The following CSMD1 variants were observed in gnomAD, a reference collection of about 807,000 sequenced individuals.
The protein encoded by CSMD1 is CUB and sushi domain-containing protein 1.
A neutral mutation model predicts 417.5 loss-of-function variants in CSMD1; 213 were observed. The observed-to-expected ratio is 0.51, with a 90% confidence interval of 0.46 to 0.57. The LOEUF is 0.57. Ranked by LOEUF, CSMD1 falls within the 20% of genes least tolerant of loss-of-function variation. The probability of loss-of-function intolerance (pLI) is 0.00; values close to 1 mark genes in which losing one functional copy is unlikely to be tolerated. For missense variants in CSMD1, 6,923 were observed against 4,529.7 expected (o/e 1.53, Z -15.17); for synonymous variants, 2,862 against 1,736.8 (o/e 1.65, Z -16.11).
At chr8:3,513,907 T>A (rs564692531) in intron 10 of CSMD1, among the ~76,000 whole-genome samples, 1 of 152,282 alleles carries the variant, frequency 6.6e-6, no homozygotes, top group South Asian at 2.1e-4. Flanking sequence ...CACAGAATAA[T>A]TCAGGCCAGA....
chr8:3,997,912 G>A lies in CSMD1; in HGVS notation c.809C>T (p.Pro270Leu), dbSNP rs1815341803. Residue 270 changes from proline to leucine, a missense_variant, in exon 5 of 70, where the codon CCA (proline) becomes CTA (leucine). By Grantham distance (98) the Pro-to-Leu change is moderately conservative. Transcript: ENST00000635120. ...DFLEISGTEA[P>L]SIWLTGMNLP... ...TCTTCCCGGGACTTACCATATGGAT[G>A]GAGCTTCCGTGCCACTGATCTCTAA... 2 of 1,611,850 alleles carry A rather than the reference G, an allele frequency of 1.2e-6. No homozygotes were observed. Among genetic ancestry groups the A allele is most frequent in the Non-Finnish European group, 1.7e-6 (2 of 1,178,944 alleles).
intron 1 of CSMD1, among the ~76,000 whole-genome samples, chr8:4,727,677 T>C (rs532287210): frequency 2.4e-4 from 36 of 152,238 alleles, no homozygotes; most frequent in Non-Finnish European, 4.0e-4. Context: ...ACTAGTCACC[T>C]GGAAATAACT....
At chr8:4,724,693 A>G (rs961993794) in intron 1 of CSMD1, among the ~76,000 whole-genome samples, 1 of 152,128 alleles carries the variant, frequency 6.6e-6, no homozygotes, top group Non-Finnish European at 1.5e-5. Context: ...ATTATTGAAC[A>G]CCATTCTAAA....
intron 8 of CSMD1, among the ~76,000 whole-genome samples, chr8:3,598,867 G>C (rs956216177): frequency 3.3e-5 from 5 of 152,062 alleles, no homozygotes; most frequent in African/African-American, 1.2e-4. Context: ...TGGATCACAA[G>C]GTCAGGAGTT....
At position 4,122,454 on chromosome 8, in the gene CSMD1, G is replaced by A. The variant is rs181188217; in HGVS notation, c.416-90355C>T. Among the ~76,000 whole-genome samples, 66 of 152,286 alleles carry A rather than the reference G, an allele frequency of 4.3e-4. 2 individuals are homozygous for A. Among genetic ancestry groups the A allele is most frequent in the Admixed American group, 2.8e-3 (43 of 15,292 alleles). On this transcript the variant is annotated intron_variant, in intron 3 of 69. Transcript: ENST00000635120. Reference sequence around the variant, plus strand: ...TGACGCAGTTAGCAATAGATCCAGGGTGGAAATGAAGAAACTAAGAGACAC... The same window carrying A: ...TGACGCAGTTAGCAATAGATCCAGGATGGAAATGAAGAAACTAAGAGACAC...
chr8:4,953,598 T>C (rs1345332649), intron 1 of CSMD1, among the ~76,000 whole-genome samples: 2 of 152,106 alleles, frequency 1.3e-5, no homozygotes, highest in Non-Finnish European at 2.9e-5. Context: ...AGTCATAAAA[T>C]TTAGTAAAGA....
intron 3 of CSMD1, among the ~76,000 whole-genome samples, chr8:4,173,017 T>G (rs540956703): frequency 3.9e-5 from 6 of 152,258 alleles, no homozygotes; most frequent in Non-Finnish European, 7.3e-5. Context: ...AATAAATGCT[T>G]GGTATTTTAG....
intron 42 of CSMD1, among the ~76,000 whole-genome samples, chr8:3,115,358 C>T (rs1309634957): frequency 1.3e-5 from 2 of 152,042 alleles, no homozygotes; most frequent in Admixed American, 6.5e-5. Context: ...CCTGCCACCA[C>T]GCCTGGCTAA....
intron 6 of CSMD1, among the ~76,000 whole-genome samples, chr8:3,735,990 G>C (rs548608674): frequency 2.0e-4 from 31 of 152,016 alleles, no homozygotes; most frequent in Non-Finnish European, 3.7e-4. Flanking sequence ...ATGGTTTTCA[G>C]TGGGAATAAG....
intron 26 of CSMD1, among the ~76,000 whole-genome samples, chr8:3,276,821 A>C (rs1034193084): frequency 6.6e-6 from 1 of 152,156 alleles, no homozygotes; most frequent in Admixed American, 6.5e-5. Context: ...ATTTTCACGC[A>C]TATCTAATTA....
At chr8:3,816,461 C>G (rs954444053) in intron 5 of CSMD1, among the ~76,000 whole-genome samples, 2 of 152,108 alleles carry the variant, frequency 1.3e-5, no homozygotes, top group Non-Finnish European at 2.9e-5. Flanking sequence ...CCGTTAGTAG[C>G]TGTTATGAAT....
At chr8:4,895,960 C>A (rs1804453637) in intron 1 of CSMD1, among the ~76,000 whole-genome samples, 1 of 151,954 alleles carries the variant, frequency 6.6e-6, no homozygotes, top group African/African-American at 2.4e-5. Context: ...CATTTTCAGA[C>A]CTAATTTTCA....
rs78223764 is a variant in CSMD1 at position 4,977,085 on chromosome 8, G to A, written c.85+17247C>T. On this transcript the variant is annotated intron_variant, in intron 1 of 69. Transcript: ENST00000635120. ...TTTTAGTATCAACAGTTATATTGGC[G>A]TTTCTCTCAAGATGGAGCACATTTA... 5.2e-3 allele frequency among the ~76,000 whole-genome samples: 787 copies of A among 152,164 alleles called. 18 individuals are homozygous for A. The highest frequency in any genetic ancestry group is 0.041 in the Admixed American group (625 of 15,280).
At chr8:3,554,819 G>T (rs551259945) in intron 10 of CSMD1, among the ~76,000 whole-genome samples, 2 of 152,268 alleles carry the variant, frequency 1.3e-5, no homozygotes, top group South Asian at 4.1e-4. Flanking sequence ...CAAGTGAGCT[G>T]GGTCTGGGCA....
At chr8:3,972,983 C>T (rs1376545394) in intron 5 of CSMD1, among the ~76,000 whole-genome samples, 1 of 152,168 alleles carries the variant, frequency 6.6e-6, no homozygotes, top group African/African-American at 2.4e-5. Flanking sequence ...TGTGGAAAAA[C>T]ATTTACTGCT....
At position 3,586,182 on chromosome 8, in the gene CSMD1, A is replaced by T. The variant is rs988700634; in HGVS notation, c.1176T>A (p.Val392=). 7.4e-6 allele frequency: 12 copies of T among 1,612,962 alleles called. No individual in the cohort carries two copies. The highest frequency in any genetic ancestry group is 9.3e-6 in the Non-Finnish European group (11 of 1,179,456). The part of the protein sequence containing the change: ...QGSKSITCQR[V]TETLAAWSDH... ...CACTCCAAGCAGCGAGCGTCTCTGTAACTCTCTGACAGGTGATGCTTTTAG... is the reference window on the plus strand; with the variant it reads ...CACTCCAAGCAGCGAGCGTCTCTGTTACTCTCTGACAGGTGATGCTTTTAG... The change falls in exon 9 of 70, where the codon GTT becomes GTA. Residue 392 remains valine (V), a synonymous_variant. Coordinates refer to ENST00000635120, the MANE Select transcript of CSMD1 (RefSeq NM_033225.6).
chr8:3,018,399 T>C, intron 52 of CSMD1, 78 bp downstream of exon 52: 1 of 1,334,262 alleles, frequency 7.5e-7, no homozygotes, highest in Non-Finnish European at 1.0e-6. Context: ...TAGCAAGAAG[T>C]CATATGTGTT....
At chr8:3,470,683 A>T (rs917474853) in intron 11 of CSMD1, among the ~76,000 whole-genome samples, 1 of 151,878 alleles carries the variant, frequency 6.6e-6, no homozygotes, top group Non-Finnish European at 1.5e-5. Context: ...CTCTTGCTAC[A>T]CCCCCTTCAC....
intron 10 of CSMD1, among the ~76,000 whole-genome samples, chr8:3,529,400 G>A (rs1247484686): frequency 6.6e-6 from 1 of 152,102 alleles, no homozygotes; most frequent in Non-Finnish European, 1.5e-5. Context: ...CTATATTGAA[G>A]GAGATGGGGG....
Sources: gnomAD v4.1 joint callset for allele counts (sites outside exome capture counted in the v4.1 genomes callset) on GRCh38, gnomAD v4.1.1 for gene constraint, MANE v1.5 for transcripts, NCBI Gene and HGNC (gene_info 2026-07-23, HGNC 2026-07-21) for gene names.